The following SLAMF1 variants were observed in gnomAD, a reference collection of about 807,000 sequenced individuals.
SLAMF1 encodes the protein signaling lymphocytic activation molecule.
In SLAMF1, 18 loss-of-function variants were observed where a neutral mutation model predicts 35.1. The observed-to-expected ratio is 0.51, with a 90% confidence interval of 0.35 to 0.76. The LOEUF (loss-of-function observed/expected upper bound fraction) is 0.76. Among genes scored for constraint, SLAMF1 ranks in the 30% least tolerant of loss-of-function variants. SLAMF1 has a pLI of 0.01. For missense variants in SLAMF1, 392 were observed against 413.0 expected (o/e 0.95, Z 0.44); for synonymous variants, 168 against 157.2 (o/e 1.07, Z -0.51).
chr1:160,637,150 C>G, intron 2 of SLAMF1, 41 bp downstream of exon 2: 3 of 1,421,038 alleles, frequency 2.1e-6, no homozygotes, highest in Non-Finnish European at 3.0e-6. Context: ...AAAGGAGCAC[C>G]TTGGCCCTTT....
At chr1:160,624,656 A>G (rs1250157841) in intron 3 of SLAMF1, among the ~76,000 whole-genome samples, 1 of 152,234 alleles carries the variant, frequency 6.6e-6, no homozygotes, top group African/African-American at 2.4e-5. Flanking sequence ...AAAAATAAAC[A>G]TAATAGTGCT....
intron 5 of SLAMF1, among the ~76,000 whole-genome samples, chr1:160,614,391 T>C (rs1423256870): frequency 2.0e-5 from 3 of 151,648 alleles, no homozygotes; most frequent in Admixed American, 6.6e-5. Context: ...CTGGCCAACA[T>C]AGTGAAACCC....
chr1:160,642,584 T>C lies in SLAMF1; in HGVS notation c.76+4286A>G, dbSNP rs2102364660. Among the ~76,000 whole-genome samples, 1 of 152,344 alleles carries C rather than the reference T, an allele frequency of 6.6e-6. No individual in the cohort carries two copies. The highest frequency in any genetic ancestry group is 2.1e-4 in the South Asian group (1 of 4,830). Reference sequence around the variant, plus strand: ...TGGGACATAGTAGGAGCTCAGTAAATCCTTGTTGCCCAAGTGAATTAATAA... The same window carrying C: ...TGGGACATAGTAGGAGCTCAGTAAACCCTTGTTGCCCAAGTGAATTAATAA... On this transcript the variant is annotated intron_variant, in intron 1 of 6. Coordinates refer to ENST00000302035, the MANE Select transcript of SLAMF1 (RefSeq NM_003037.5). This position sits in a 1 kb window ranked among gnomAD's most constrained non-coding sequence, Gnocchi z 4.2.
At chr1:160,635,859 G>T (rs951523581) in intron 2 of SLAMF1, among the ~76,000 whole-genome samples, 4 of 152,094 alleles carry the variant, frequency 2.6e-5, no homozygotes, top group South Asian at 2.1e-4. Context: ...GATTACAGGC[G>T]TGAGCCACCT....
At chr1:160,618,216 T>A (rs1170534683) in intron 5 of SLAMF1, among the ~76,000 whole-genome samples, 1 of 152,192 alleles carries the variant, frequency 6.6e-6, no homozygotes, top group Non-Finnish European at 1.5e-5. Flanking sequence ...CATATGAAAG[T>A]ATAAAGGAAC....
Position 160,625,744 on chromosome 1 carries a change from T to C in SLAMF1, c.701-1559A>G, listed in dbSNP as rs572230894. On this transcript the variant is annotated intron_variant, in intron 3 of 6. Transcript: ENST00000302035. Reference sequence around the variant, plus strand: ...TTCTGAATTTGTATAAAGCATGACATTTTGAATCATTGCTGATGCTGGAGG... The same window carrying C: ...TTCTGAATTTGTATAAAGCATGACACTTTGAATCATTGCTGATGCTGGAGG... Among the ~76,000 whole-genome samples the C allele has an allele frequency of 1.6e-4, 25 of 152,134 alleles. No individual in the cohort carries two copies. The East Asian group carries it at 4.4e-3, about 27-fold the overall frequency.
chr1:160,619,743 A>G (rs752231569), intron 5 of SLAMF1, 33 bp downstream of exon 5: 1 of 1,346,014 alleles, frequency 7.4e-7, no homozygotes, highest in Non-Finnish European at 1.1e-6. Flanking sequence ...AGGAAACATG[A>G]CAGGTTCATC....
intron 3 of SLAMF1, among the ~76,000 whole-genome samples, chr1:160,628,922 GA>G (rs1321065429): frequency 2.0e-5 from 3 of 152,220 alleles, no homozygotes; most frequent in Non-Finnish European, 2.9e-5. Context: ...TCCTGTGGCA[GA>G]AGCTCCAGCT....
At chr1:160,612,769 T>C (rs943611241) in intron 5 of SLAMF1, among the ~76,000 whole-genome samples, 189 bp from the exon 6 acceptor site, 2 of 152,298 alleles carry the variant, frequency 1.3e-5, no homozygotes, top group South Asian at 2.1e-4. Flanking sequence ...CAGGCTTTGC[T>C]TGGACTCCCC....
intron 3 of SLAMF1, among the ~76,000 whole-genome samples, chr1:160,627,345 A>G (rs1220753960): frequency 6.6e-6 from 1 of 152,242 alleles, no homozygotes; most frequent in African/African-American, 2.4e-5. Context: ...AGGAGGCCAG[A>G]GACCATCTCT....
chr1:160,637,125 C>T lies in SLAMF1; in HGVS notation c.415+66G>A, dbSNP rs778535229. On this transcript the variant is annotated intron_variant, in intron 2 of 6. Coordinates refer to ENST00000302035, the MANE Select transcript of SLAMF1 (RefSeq NM_003037.5). ...GAATACCCTTTGCTTTTAAGAGAGA[C>T]CTAAATTCTTGGTCAAAGGAGCACC... 3.7e-6 allele frequency: 4 copies of T among 1,072,404 alleles called. No homozygotes were observed. In the African/African-American group the frequency reaches 4.7e-5, roughly 13 times the overall value. The allele number at this position is 1,072,404 out of a possible 1,614,324, so 66.4% of individuals were successfully genotyped here.
intron 3 of SLAMF1, among the ~76,000 whole-genome samples, chr1:160,632,561 C>A (rs1234899511): frequency 1.3e-5 from 2 of 152,102 alleles, no homozygotes; most frequent in Non-Finnish European, 2.9e-5. Context: ...AGCTTTATGG[C>A]CCACCAACAC....
At chr1:160,614,898 C>A (rs1659208438) in intron 5 of SLAMF1, among the ~76,000 whole-genome samples, 2 of 152,036 alleles carry the variant, frequency 1.3e-5, no homozygotes, top group Non-Finnish European at 2.9e-5. Flanking sequence ...ATTTGTACAT[C>A]TTTAGGGAGC....
rs752356772 is a variant in SLAMF1, at chr1:160,637,400, G to A, written c.206C>T (p.Ser69Leu). The A allele has an allele frequency of 6.2e-7, 1 of 1,614,152 alleles. No homozygotes were observed. Among genetic ancestry groups the A allele is most frequent in the South Asian group, 1.1e-5 (1 of 91,084 alleles). Residue 69 changes from serine (S) to leucine (L), a missense_variant, in exon 2 of 7, where the codon TCA (serine) becomes TTA (leucine). By Grantham distance (145) the Ser-to-Leu change is moderately radical. Coordinates refer to ENST00000302035, the MANE Select transcript of SLAMF1 (RefSeq NM_003037.5). ...TTTGTTCTCGACACTGTTCTCCAGT[G>A]ATTTTGCCATTGTGACGACAATGTG... ...SIHIVVTMAK[S>L]LENSVENKIV...
chr1:160,643,941 T>C (rs1049424915), intron 1 of SLAMF1, among the ~76,000 whole-genome samples: 12 of 152,238 alleles, frequency 7.9e-5, no homozygotes, highest in Non-Finnish European at 1.8e-4. Context: ...CTTCACTAAA[T>C]ACTCTTGTGT....
chr1:160,636,941 C>T (rs1660482599), intron 2 of SLAMF1: 1 of 502,720 alleles, frequency 2.0e-6, no homozygotes, highest in East Asian at 3.3e-5. Flanking sequence ...AGGAGCTGTG[C>T]CCCTTTCCTT....
Position 160,647,012 on chromosome 1 carries a change from A to G in SLAMF1, c.-67T>C. On this transcript the variant is annotated 5_prime_UTR_variant, in exon 1 of 7. Transcript: ENST00000302035. ...CAGCTGCTCACAGATGCCAGGCAGA[A>G]GCAAGCTTCGTGTCATGCAGCAGAG... 1.2e-6 allele frequency: 1 copy of G among 824,638 alleles called. No individual in the cohort carries two copies. Among genetic ancestry groups the G allele is most frequent in the Non-Finnish European group, 2.1e-6 (1 of 477,402 alleles). 51.1% of individuals were successfully genotyped at this position (824,638 alleles called of 1,614,324 possible).
chr1:160,646,857 G>A lies in SLAMF1; in HGVS notation c.76+13C>T. On this transcript the variant is annotated intron_variant, in intron 1 of 6. Coordinates refer to ENST00000302035, the MANE Select transcript of SLAMF1 (RefSeq NM_003037.5). The stretch of plus-strand genomic sequence containing the variant: ...AACATGGGACTCAAACCATCAGGCA[G>A]ATGAACACTCACCTGTTCCGTAGCT... 1 of 1,518,950 alleles carries A rather than the reference G, an allele frequency of 6.6e-7. No individual in the cohort carries two copies. 94.1% of individuals were successfully genotyped at this position (1,518,950 alleles called of 1,614,324 possible). A position where few individuals can be genotyped will look rare whatever the true frequency, so the allele number is the denominator to read the frequency against.
At chr1:160,615,937 T>TA (rs1347572143) in intron 5 of SLAMF1, among the ~76,000 whole-genome samples, 1 of 152,216 alleles carries the variant, frequency 6.6e-6, no homozygotes, top group Non-Finnish European at 1.5e-5. Flanking sequence ...AGATGGAGTG[T>TA]GGCCCTGAGG....
Sources: gnomAD v4.1 joint callset for allele counts (sites outside exome capture counted in the v4.1 genomes callset) on GRCh38, gnomAD v4.1.1 for gene constraint, Gnocchi (gnomAD v3.1) non-coding constraint, MANE v1.5 for transcripts, NCBI Gene and HGNC (gene_info 2026-07-23, HGNC 2026-07-21) for gene names.